CDH9: variants seen among roughly 807,000 people sequenced by gnomAD.
CDH9 encodes cadherin-9.
Under a neutral mutation model 70.9 loss-of-function variants are expected in CDH9, and 28 were observed. That is an observed-to-expected ratio of 0.40 (90% CI 0.29 to 0.54). The LOEUF is 0.54. Ranked by LOEUF, CDH9 falls within the 20% of genes least tolerant of loss-of-function variation. The probability of loss-of-function intolerance (pLI) is 0.59; values close to 1 mark genes in which losing one functional copy is unlikely to be tolerated. For synonymous variants in CDH9, 409 were observed against 343.1 expected, an observed-to-expected ratio of 1.19 and a Z score of -2.12; for missense variants, 874 against 984.4, an observed-to-expected ratio of 0.89 and a Z score of 1.50.
At chr5:26,943,559 G>A (rs1243424339) in intron 2 of CDH9, among the ~76,000 whole-genome samples, 2 of 151,346 alleles carry the variant, frequency 1.3e-5, no homozygotes, top group African/African-American at 4.9e-5. Flanking sequence ...AGGCTCCAGA[G>A]GGCAAGGAGA....
chr5:26,890,612 A>C (rs967246029), intron 7 of CDH9, 48 bp from the exon 8 acceptor site: 7 of 1,376,974 alleles, frequency 5.1e-6, no homozygotes, highest in Non-Finnish European at 7.2e-6. Flanking sequence ...TAAGGTTATT[A>C]GTTCTACTCT....
At chr5:26,998,822 C>T (rs549438054) in intron 1 of CDH9, among the ~76,000 whole-genome samples, 6 of 151,936 alleles carry the variant, frequency 3.9e-5, no homozygotes, top group Non-Finnish European at 8.8e-5. Flanking sequence ...TCAATTTCAC[C>T]ACATCCTACC....
chr5:26,882,908 T>A (rs1740490813), intron 11 of CDH9, among the ~76,000 whole-genome samples: 1 of 151,276 alleles, frequency 6.6e-6, no homozygotes, highest in Admixed American at 6.6e-5. Context: ...TCCAGTGTTA[T>A]TTTCACATTG....
At chr5:26,923,312 A>G (rs1741279766) in intron 2 of CDH9, among the ~76,000 whole-genome samples, 1 of 151,768 alleles carries the variant, frequency 6.6e-6, no homozygotes. Context: ...ATAAAAAGAG[A>G]CAAAGAAAAT....
intron 1 of CDH9, among the ~76,000 whole-genome samples, chr5:27,032,499 AT>A (rs1355868573): frequency 2.0e-5 from 3 of 151,656 alleles, no homozygotes; most frequent in African/African-American, 7.2e-5. Flanking sequence ...ATGTCACATC[AT>A]CTAGATAAAC....
chr5:26,921,877 T>C (rs1357883105), intron 2 of CDH9, among the ~76,000 whole-genome samples: 1 of 151,724 alleles, frequency 6.6e-6, no homozygotes, highest in Non-Finnish European at 1.5e-5. Flanking sequence ...AACAAAGAGA[T>C]TAAAATAACT....
chr5:26,888,570 T>C (rs1454530471), intron 9 of CDH9, among the ~76,000 whole-genome samples: 1 of 152,218 alleles, frequency 6.6e-6, no homozygotes, highest in African/African-American at 2.4e-5. Context: ...TCCAAATAGC[T>C]ATGTGAAAAT....
chr5:26,961,451 T>A (rs1326397082), intron 2 of CDH9, among the ~76,000 whole-genome samples: 1 of 152,056 alleles, frequency 6.6e-6, no homozygotes. Context: ...TAGCTTCAAT[T>A]GTAAATGGAG....
rs56049530 is a variant in CDH9, at chr5:26,947,387, A to G, written c.229-31463T>C. Among the ~76,000 whole-genome samples, 493 of 152,326 alleles carry G rather than the reference A, an allele frequency of 3.2e-3. 1 individual carries two copies. The highest frequency in any genetic ancestry group is 5.8e-3 in the Admixed American group (88 of 15,304). On this transcript the variant is annotated intron_variant, in intron 2 of 11. Coordinates refer to ENST00000231021, the MANE Select transcript of CDH9 (RefSeq NM_016279.4). Reference sequence around the variant, plus strand: ...AGGGTGGTGGCCCAAGCAGTCCCACAAGACTCTTATAATCCAACTGTTCAA... The same window carrying G: ...AGGGTGGTGGCCCAAGCAGTCCCACGAGACTCTTATAATCCAACTGTTCAA...
At chr5:26,904,651 G>A (rs576781569) in intron 5 of CDH9, among the ~76,000 whole-genome samples, 1 of 152,008 alleles carries the variant, frequency 6.6e-6, no homozygotes, top group Non-Finnish European at 1.5e-5. Context: ...TGACTTCAAA[G>A]TCTATATTCT....
At chr5:26,900,374 A>C (rs1740832917) in intron 7 of CDH9, among the ~76,000 whole-genome samples, 1 of 152,046 alleles carries the variant, frequency 6.6e-6, no homozygotes, top group Non-Finnish European at 1.5e-5. Context: ...TTAGACAAAA[A>C]CATTACAGAA....
chr5:27,014,756 T>C (rs896601948), intron 1 of CDH9, among the ~76,000 whole-genome samples: 2 of 151,928 alleles, frequency 1.3e-5, no homozygotes, highest in African/African-American at 4.8e-5. Context: ...ATTATAATTA[T>C]CACTGGTTCA....
At chr5:26,967,720 A>G (rs1742152797) in intron 2 of CDH9, among the ~76,000 whole-genome samples, 1 of 151,742 alleles carries the variant, frequency 6.6e-6, no homozygotes, top group Non-Finnish European at 1.5e-5. Context: ...TTTTTTTTCA[A>G]TGCTAGGTCT....
At chr5:26,965,861 A>T (rs1280680556) in intron 2 of CDH9, among the ~76,000 whole-genome samples, 2 of 152,144 alleles carry the variant, frequency 1.3e-5, no homozygotes, top group Non-Finnish European at 2.9e-5. Flanking sequence ...AAACTCATAG[A>T]CATTAAATTA....
At chr5:26,934,497 C>A (rs1165511820) in intron 2 of CDH9, among the ~76,000 whole-genome samples, 1 of 152,012 alleles carries the variant, frequency 6.6e-6, no homozygotes, top group African/African-American at 2.4e-5. Flanking sequence ...CTCATTCACT[C>A]CTGGGAGAAT....
At chr5:26,913,075 C>T (rs1017517348) in intron 3 of CDH9, among the ~76,000 whole-genome samples, 4 of 152,098 alleles carry the variant, frequency 2.6e-5, no homozygotes, top group Non-Finnish European at 5.9e-5. Flanking sequence ...ATTAAATCTC[C>T]TTTTCTTCCC....
chr5:26,963,687 A>T (rs12187041), intron 2 of CDH9, among the ~76,000 whole-genome samples: 107,287 of 152,010 alleles, frequency 0.71, 41,313 homozygotes, highest in East Asian at 0.99. Context: ...TTACCATATA[A>T]TCTGCGAACA....
intron 5 of CDH9, among the ~76,000 whole-genome samples, chr5:26,905,168 T>C (rs1740924134): frequency 6.6e-6 from 1 of 152,106 alleles, no homozygotes; most frequent in African/African-American, 2.4e-5. Flanking sequence ...AATTGAATAT[T>C]TTGAAATAGG....
chr5:27,038,158 TAA>T (rs1249553304), intron 1 of CDH9, among the ~76,000 whole-genome samples: 4 of 151,944 alleles, frequency 2.6e-5, no homozygotes, highest in Non-Finnish European at 4.4e-5. Context: ...GATACAATTT[TAA>T]GTTTAGTTTT....
Sources: gnomAD v4.1 joint callset for allele counts (sites outside exome capture counted in the v4.1 genomes callset) on GRCh38, gnomAD v4.1.1 for gene constraint, MANE v1.5 for transcripts, NCBI Gene and HGNC (gene_info 2026-07-23, HGNC 2026-07-21) for gene names.